Variants in COL21A1 observed in about 807,000 individuals in gnomAD.
COL21A1 encodes the protein collagen alpha-1(XXI) chain.
COL21A1 carries 149 observed loss-of-function variants against 137.9 expected under a neutral mutation model. The ratio of observed to expected loss-of-function variants is 1.08; its 90% confidence interval spans 0.95 to 1.24. COL21A1 has a LOEUF of 1.24. COL21A1 is among the 50% of genes most tolerant of loss of function. The pLI, the probability that COL21A1 is intolerant of heterozygous loss-of-function variation, is 0.00. For missense variants in COL21A1, 1,167 were observed against 1,158.4 expected, an observed-to-expected ratio of 1.01 and a Z score of -0.11; for synonymous variants, 456 against 391.5, an observed-to-expected ratio of 1.16 and a Z score of -1.95.
chr6:56,229,946 G>A (rs76985672), intron 1 of COL21A1, among the ~76,000 whole-genome samples: 5,076 of 151,868 alleles, frequency 0.033, 191 homozygotes, highest in African/African-American at 0.086. Flanking sequence ...TGCAAATCAC[G>A]ATCCATTGGT....
At chr6:56,125,456 G>A (rs749440412) in intron 14 of COL21A1, 111 bp downstream of exon 14, 1 of 648,200 alleles carries the variant, frequency 1.5e-6, no homozygotes, top group African/African-American at 1.9e-5. Flanking sequence ...CCCTAAGAAG[G>A]GTGAACAGAG....
chr6:56,083,030 G>GT (rs987504990), intron 17 of COL21A1, among the ~76,000 whole-genome samples: 11 of 151,642 alleles, frequency 7.3e-5, no homozygotes, highest in African/African-American at 2.7e-4. Flanking sequence ...AATTAAATAT[G>GT]TTTTCTATTG....
intron 1 of COL21A1, among the ~76,000 whole-genome samples, chr6:56,197,335 C>T (rs12208804): frequency 0.073 from 11,052 of 151,818 alleles, 442 homozygotes; most frequent in Middle Eastern, 0.13. Context: ...AAAGCACAGA[C>T]AACAAAGATA....
At chr6:56,193,411 T>C (rs948531275) in intron 1 of COL21A1, among the ~76,000 whole-genome samples, 38 of 152,114 alleles carry the variant, frequency 2.5e-4, no homozygotes, top group African/African-American at 8.7e-4. Flanking sequence ...TAAAACACAT[T>C]GTATTTAATA....
rs1466991126 is a variant in COL21A1 at position 56,092,125 on chromosome 6, C to G, written c.1812+9347G>C. Among the ~76,000 whole-genome samples, 4 of 151,846 alleles carry G rather than the reference C, an allele frequency of 2.6e-5. No individual in the cohort carries two copies. The East Asian group carries it at 7.7e-4, about 29-fold the overall frequency. On this transcript the variant is annotated intron_variant, in intron 17 of 29. Transcript: ENST00000244728. ...TAAAAGAAAAAAAAACACTAAAAAG[C>G]ACTCAAAATCTAGGCCTCAATTGTT...
chr6:56,244,536 A>G (rs1782536227), intron 1 of COL21A1, among the ~76,000 whole-genome samples: 1 of 152,252 alleles, frequency 6.6e-6, no homozygotes, highest in African/African-American at 2.4e-5. Flanking sequence ...TTAGTTTAAT[A>G]ACATTAAATT....
intron 16 of COL21A1, among the ~76,000 whole-genome samples, chr6:56,111,151 C>A (rs201534867): frequency 6.7e-4 from 95 of 142,450 alleles, no homozygotes; most frequent in South Asian, 8.9e-4. Flanking sequence ...TATCCTTTTC[C>A]AAAAAAAAAA....
chr6:56,098,616 A>T (rs1380272781), intron 17 of COL21A1, among the ~76,000 whole-genome samples: 1,156 of 6,670 alleles, frequency 0.17, 371 homozygotes, highest in East Asian at 0.3. Context: ...AATATATATA[A>T]ATATATATAA....
intron 1 of COL21A1, among the ~76,000 whole-genome samples, chr6:56,271,904 A>G (rs2152332542): frequency 6.7e-6 from 1 of 149,092 alleles, no homozygotes; most frequent in South Asian, 2.3e-4. Context: ...AAAACACAAG[A>G]GTTGAGCTTT....
chr6:56,192,296 A>G (rs1039514782), intron 1 of COL21A1, among the ~76,000 whole-genome samples: 4 of 152,328 alleles, frequency 2.6e-5, no homozygotes, highest in Admixed American at 2.0e-4. Context: ...ATGGGCAAAG[A>G]CTTCATGTCT....
At chr6:56,134,021 A>G (rs893757081) in intron 12 of COL21A1, among the ~76,000 whole-genome samples, 4 of 152,230 alleles carry the variant, frequency 2.6e-5, no homozygotes, top group African/African-American at 9.6e-5. Flanking sequence ...CAGAGTCCCT[A>G]CTGGGGTACT....
chr6:56,111,313 T>A (rs569359824), intron 16 of COL21A1, among the ~76,000 whole-genome samples: 4 of 152,038 alleles, frequency 2.6e-5, no homozygotes, highest in Admixed American at 1.3e-4. Context: ...CAGTGGGAAA[T>A]AGGAAGGCAT....
chr6:56,098,062 AAT>A (rs1554206131), intron 17 of COL21A1, among the ~76,000 whole-genome samples: 2 of 490 alleles, frequency 4.1e-3, no homozygotes, highest in East Asian at 0.071. Context: ...AATATATATA[AAT>A]ATATAAATAT....
intron 1 of COL21A1, among the ~76,000 whole-genome samples, chr6:56,277,926 T>C (rs1467981015): frequency 1.3e-5 from 2 of 152,224 alleles, no homozygotes; most frequent in East Asian, 1.9e-4. Flanking sequence ...TAAATCATAA[T>C]TTGTTAATTC....
At position 56,164,814 on chromosome 6, in the gene COL21A1, C is replaced by T. The variant is rs752820127; in HGVS notation, c.1287G>A (p.Glu429=). ...GGGGAACAATAGTATCCAAGCCTAC[C>T]TCTCCATTCTGAAAGAAAAACAACA... ...TACEIPGFNG[E]CLNGPSDVGS... The change falls in exon 8 of 30, where the codon GAG becomes GAA. Residue 429 remains glutamate (E), a splice_region_variant and synonymous_variant. Coordinates refer to ENST00000244728, the MANE Select transcript of COL21A1 (RefSeq NM_030820.4). 1.3e-6 allele frequency: 2 copies of T among 1,563,434 alleles called. No homozygotes were observed. Among genetic ancestry groups the T allele is most frequent in the African/African-American group, 1.4e-5 (1 of 73,014 alleles).
At chr6:56,377,156 A>AT (rs1554186484) in intron 1 of COL21A1, among the ~76,000 whole-genome samples, 2 of 151,442 alleles carry the variant, frequency 1.3e-5, no homozygotes, top group Non-Finnish European at 2.9e-5. Flanking sequence ...TTATTTATTT[A>AT]TTTTTTGTAT....
At chr6:56,387,414 T>C (rs1249267922) in intron 1 of COL21A1, among the ~76,000 whole-genome samples, 2 of 152,034 alleles carry the variant, frequency 1.3e-5, no homozygotes, top group Non-Finnish European at 2.9e-5. Context: ...GAACATCTAA[T>C]TGAACAACTA....
intron 1 of COL21A1, among the ~76,000 whole-genome samples, chr6:56,218,159 T>C (rs1453846876): frequency 1.3e-5 from 2 of 152,084 alleles, no homozygotes; most frequent in Non-Finnish European, 2.9e-5. Context: ...ACAAACTTGG[T>C]ACAAAATATT....
upstream of COL21A1, among the ~76,000 whole-genome samples, chr6:56,251,148 T>C (rs1335260003): frequency 2.0e-5 from 3 of 152,220 alleles, no homozygotes; most frequent in Non-Finnish European, 4.4e-5. Flanking sequence ...TTGGCTGTAA[T>C]TGATATATTG....
Sources: allele counts gnomAD v4.1 joint callset (sites outside exome capture counted in the v4.1 genomes callset), GRCh38; gene constraint gnomAD v4.1.1; transcripts MANE v1.5; gene names NCBI Gene and HGNC (gene_info 2026-07-23, HGNC 2026-07-21).